Variants in ZFYVE27 observed in about 807,000 individuals in gnomAD.
ZFYVE27 encodes the protein protrudin.
ZFYVE27 carries 36 observed loss-of-function variants against 52.8 expected under a neutral mutation model. The observed-to-expected ratio is 0.68, with a 90% CI of 0.52 to 0.90. The LOEUF (loss-of-function observed/expected upper bound fraction) is 0.90, where lower values mean the gene tolerates loss of function less well. ZFYVE27 is among the 40% of genes least tolerant of loss of function. The probability of loss-of-function intolerance (pLI) is 0.00; values close to 1 mark genes in which losing one functional copy is unlikely to be tolerated. For missense variants in ZFYVE27, 450 were observed against 527.2 expected, an observed-to-expected ratio of 0.85 and a Z score of 1.43; for synonymous variants, 223 against 215.6, an observed-to-expected ratio of 1.03 and a Z score of -0.30.
chr10:97,754,295 C>T (rs948414714), intron 10 of ZFYVE27, among the ~76,000 whole-genome samples: 10 of 149,396 alleles, frequency 6.7e-5, no homozygotes, highest in Non-Finnish European at 1.3e-4. Flanking sequence ...GTGAATGTCC[C>T]CCAGTTATTC....
chr10:97,759,115 AGG>A, intron 12 of ZFYVE27, 119 bp from the exon 13 acceptor site: 1 of 1,011,492 alleles, frequency 9.9e-7, no homozygotes, highest in Non-Finnish European at 1.5e-6. Flanking sequence ...CAAGCTGGGC[AGG>A]GAGGGTGTGG....
chr10:97,742,134 GAAA>G (rs796122082), intron 2 of ZFYVE27, among the ~76,000 whole-genome samples: 2 of 75,200 alleles, frequency 2.7e-5, no homozygotes, highest in African/African-American at 4.0e-5. Context: ...TGTCTCAAAA[GAAA>G]AAAAAAAAAA....
intron 12 of ZFYVE27, among the ~76,000 whole-genome samples, chr10:97,758,576 C>T (rs2049007196): frequency 6.6e-6 from 1 of 152,234 alleles, no homozygotes; most frequent in Non-Finnish European, 1.5e-5. Context: ...CCCGCCTCGG[C>T]CTCCCAAAGT....
rs189614021 is a variant in ZFYVE27 at position 97,745,470 on chromosome 10, C to T, written c.455+555C>T. Among the ~76,000 whole-genome samples the T allele has an allele frequency of 4.2e-3, 635 of 150,648 alleles. 15 individuals are homozygous for T. Among genetic ancestry groups the T allele is most frequent in the African/African-American group, 0.015 (600 of 39,958 alleles). On this transcript the variant is annotated intron_variant, in intron 4 of 12. Coordinates refer to ENST00000684270, the MANE Select transcript of ZFYVE27 (RefSeq NM_001385875.1). ...CTGGAATTACAGGCGTGAGCCACCA[C>T]GCCTGGCCCTGTTCTTTCTGCTGGA... is the stretch of plus-strand genomic sequence containing the variant.
At chr10:97,751,830 G>A (rs907210061) in intron 8 of ZFYVE27, among the ~76,000 whole-genome samples, 1 of 152,222 alleles carries the variant, frequency 6.6e-6, no homozygotes, top group Non-Finnish European at 1.5e-5. Flanking sequence ...TCCGTAAGAT[G>A]TCCCTTTGCG....
chr10:97,748,467 G>GTAAGA, intron 5 of ZFYVE27, 103 bp downstream of exon 5: 2 of 1,184,266 alleles, frequency 1.7e-6, no homozygotes, highest in Non-Finnish European at 2.4e-6. Flanking sequence ...CTTACCTCAG[G>GTAAGA]GGAAGAGCTC....
intron 12 of ZFYVE27, among the ~76,000 whole-genome samples, chr10:97,758,601 C>A (rs543193698): frequency 1.3e-5 from 2 of 152,320 alleles, no homozygotes; most frequent in South Asian, 4.1e-4. Context: ...GGATTACAGG[C>A]GTGAGCCACC....
chr10:97,757,116 C>T (rs1165206540), intron 10 of ZFYVE27, 149 bp from the exon 11 acceptor site: 2 of 1,009,970 alleles, frequency 2.0e-6, no homozygotes, highest in Admixed American at 2.0e-5. Flanking sequence ...TTCTTTCTGT[C>T]TCTGAATCTG....
At chr10:97,739,653 CTT>C (rs995298853) in intron 2 of ZFYVE27, among the ~76,000 whole-genome samples, 1 of 152,130 alleles carries the variant, frequency 6.6e-6, no homozygotes, top group Non-Finnish European at 1.5e-5. Flanking sequence ...TGTACCATCT[CTT>C]TTGGCTAAAT....
At chr10:97,757,519 C>A in intron 11 of ZFYVE27, 123 bp from the exon 12 acceptor site, 2 of 1,307,904 alleles carry the variant, frequency 1.5e-6, no homozygotes, top group Non-Finnish European at 2.2e-6. Context: ...TTTCCTGCTC[C>A]ACTTGGGCAC....
Position 97,753,094 on chromosome 10 carries a change from C to T in ZFYVE27, c.954C>T (p.Asn318=), listed in dbSNP as rs760982295. Residue 318 remains asparagine, a synonymous_variant, in exon 10 of 13, where the codon AAC becomes AAT. Transcript: ENST00000684270. ...PAEDELALQD[N]GFLSKNEVLR... Reference sequence around the variant, plus strand: ...AGGATGAGCTGGCCCTGCAGGACAACGGGTTCCTGAGCAAGAATGAGGTGC... The same window carrying T: ...AGGATGAGCTGGCCCTGCAGGACAATGGGTTCCTGAGCAAGAATGAGGTGC... The T allele has an allele frequency of 1.1e-5, 18 of 1,611,294 alleles. No individual in the cohort carries two copies. Among genetic ancestry groups the T allele is most frequent in the Admixed American group, 6.7e-5 (4 of 59,558 alleles).
rs2046368995 is a variant in ZFYVE27, at chr10:97,749,544, T to G, written c.622T>G (p.Leu208Val). 2 of 1,614,222 alleles carry G rather than the reference T, an allele frequency of 1.2e-6. No homozygotes were observed. Among genetic ancestry groups the G allele is most frequent in the Non-Finnish European group, 1.7e-6 (2 of 1,180,042 alleles). The change falls in exon 6 of 13, where the codon TTA (leucine) becomes GTA (valine). Residue 208 changes from leucine to valine, a missense_variant. Coordinates refer to ENST00000684270, the MANE Select transcript of ZFYVE27 (RefSeq NM_001385875.1). ...LLPLCWVLTL[L>V]NSTLFLGNVE... Reference sequence around the variant, plus strand: ...GCCACTCTGCTGGGTTCTCACCCTTTTAAACAGCACGCTCTTTCTGGGGAA... The same window carrying G: ...GCCACTCTGCTGGGTTCTCACCCTTGTAAACAGCACGCTCTTTCTGGGGAA...
chr10:97,737,624 C>T (rs571351334), intron 1 of ZFYVE27, among the ~76,000 whole-genome samples: 1 of 152,362 alleles, frequency 6.6e-6, no homozygotes, highest in Non-Finnish European at 1.5e-5. Context: ...ATCCCCTCAC[C>T]CTCCCATCAG....
chr10:97,742,993 G>A, intron 2 of ZFYVE27, 101 bp from the exon 3 acceptor site: 1 of 1,275,076 alleles, frequency 7.8e-7, no homozygotes, highest in Middle Eastern at 1.8e-4. Flanking sequence ...CTGTGTTCCA[G>A]GCCTCCTCTT....
chr10:97,758,831 G>T (rs1467208269), intron 12 of ZFYVE27, among the ~76,000 whole-genome samples: 1 of 152,148 alleles, frequency 6.6e-6, no homozygotes, highest in Non-Finnish European at 1.5e-5. Flanking sequence ...GCCCAGCCTG[G>T]AGTGCAGTGG....
rs1188046848 is a variant in ZFYVE27 at position 97,750,364 on chromosome 10, G to C, written c.698G>C (p.Arg233Thr). ...VSEYRASLQQ[R>T]MNPKQEEHAF... Reference sequence around the variant, plus strand: ...GAGTACAGGGCATCTCTGCAGCAGAGGATGAACCCAAAGCAGGAAGAGCAT... The same window carrying C: ...GAGTACAGGGCATCTCTGCAGCAGACGATGAACCCAAAGCAGGAAGAGCAT... The change falls in exon 7 of 13, where the codon AGG becomes ACG. Residue 233 changes from arginine to threonine, a missense_variant. Physicochemically the swap from Arg to Thr is moderately conservative, Grantham distance 71. Transcript: ENST00000684270. The C allele has an allele frequency of 6.2e-7, 1 of 1,614,160 alleles. No individual in the cohort carries two copies. Among genetic ancestry groups the C allele is most frequent in the Admixed American group, 1.7e-5 (1 of 60,022 alleles).
At chr10:97,752,959 T>A in intron 9 of ZFYVE27, 79 bp from the exon 10 acceptor site, 12 of 1,612,650 alleles carry the variant, frequency 7.4e-6, no homozygotes, top group Non-Finnish European at 1.0e-5. Flanking sequence ...TCGTGGGGGC[T>A]GCCGCGCAGG....
intron 12 of ZFYVE27, among the ~76,000 whole-genome samples, chr10:97,758,409 T>C (rs1234618868): frequency 6.6e-6 from 1 of 150,508 alleles, no homozygotes; most frequent in African/African-American, 2.4e-5. Context: ...CCACAACCTC[T>C]GCCTCCTGGG....
chr10:97,754,472 C>T (rs1006923278), intron 10 of ZFYVE27, among the ~76,000 whole-genome samples: 1 of 152,026 alleles, frequency 6.6e-6, no homozygotes, highest in African/African-American at 2.4e-5. Flanking sequence ...AGCACCATGC[C>T]TGGCTAATTT....
Sources: gnomAD v4.1 joint callset for allele counts (sites outside exome capture counted in the v4.1 genomes callset) on GRCh38, gnomAD v4.1.1 for gene constraint, MANE v1.5 for transcripts, NCBI Gene and HGNC (gene_info 2026-07-23, HGNC 2026-07-21) for gene names.